USP11: variants seen among roughly 807,000 people sequenced by gnomAD.
USP11 encodes ubiquitin carboxyl-terminal hydrolase 11.
In USP11, 5 loss-of-function variants were observed where a neutral mutation model predicts 72.8. That is an observed-to-expected ratio of 0.07 (90% confidence interval 0.04 to 0.14). The LOEUF (loss-of-function observed/expected upper bound fraction) is 0.14, where lower values mean the gene tolerates loss of function less well. Among genes scored for constraint, USP11 ranks in the 10% least tolerant of loss-of-function variants. The pLI is 1.00. For missense variants in USP11, 480 were observed against 794.7 expected, an observed-to-expected ratio of 0.60 and a Z score of 4.76; for synonymous variants, 368 against 326.5, an observed-to-expected ratio of 1.13 and a Z score of -1.37.
chrX:47,234,635 G>A (rs1378372891), intron 1 of USP11, among the ~76,000 whole-genome samples: 1 of 111,715 alleles, frequency 9.0e-6, no homozygotes, highest in Non-Finnish European at 1.9e-5. Context: ...TTGGTCAAAG[G>A]ATACAACATT....
At chrX:47,247,726 C>A (rs763858471) in intron 20 of USP11, 27 bp downstream of exon 20, 2 of 1,207,413 alleles carry the variant, frequency 1.7e-6, no homozygotes, top group Non-Finnish European at 2.2e-6. Flanking sequence ...ACCTCCTCCC[C>A]TTCTTCCTTT....
intron 1 of USP11, among the ~76,000 whole-genome samples, chrX:47,238,187 CTTTTTTTTTTT>C (rs756979418): frequency 2.4e-5 from 2 of 84,365 alleles, no homozygotes; most frequent in African/African-American, 4.4e-5. Flanking sequence ...ATATGCAGTT[CTTTTTTTTTTT>C]TTTTTTTTTG....
At position 47,243,359 on chromosome X, in the gene USP11, G is replaced by A. The variant is rs757771785; in HGVS notation, c.1584-37G>A. ...GGGCAGAGTCAGGGAGTCTCTGGGGGCCCTGATCAGGTGTGCCTGCTGTCC... is the reference window on the plus strand; with the variant it reads ...GGGCAGAGTCAGGGAGTCTCTGGGGACCCTGATCAGGTGTGCCTGCTGTCC... On this transcript the variant is annotated intron_variant, in intron 12 of 20. Transcript: ENST00000377107. The A allele has an allele frequency of 1.0e-5, 12 of 1,200,749 alleles. No individual in the cohort carries two copies. In the Admixed American group the frequency reaches 2.0e-4, roughly 20 times the overall value.
At chrX:47,240,015 C>T in intron 4 of USP11, 108 bp downstream of exon 4, 2 of 886,496 alleles carry the variant, frequency 2.3e-6, no homozygotes, top group Non-Finnish European at 3.3e-6. Context: ...AGGCACTGGT[C>T]AGACTTTGGA....
intron 1 of USP11, chrX:47,233,766 AGG>A: frequency 2.2e-5 from 1 of 46,171 alleles, no homozygotes; most frequent in Non-Finnish European, 8.4e-5. Context: ...ACGTGAGCTG[AGG>A]GGCGTGCTCT....
At chrX:47,240,164 G>C in intron 4 of USP11, 141 bp from the exon 5 acceptor site, 1 of 873,467 alleles carries the variant, frequency 1.1e-6, no homozygotes, top group Non-Finnish European at 1.6e-6. Context: ...CTGGAGTGTG[G>C]GCCAGTCATT....
In USP11 at chrX:47,241,264, C is replaced by G; in HGVS notation, c.847-13C>G. 8.4e-7 allele frequency: 1 copy of G among 1,194,643 alleles called. No individual in the cohort carries two copies. The highest frequency in any genetic ancestry group is 1.1e-6 in the Non-Finnish European group (1 of 887,074). On this transcript the variant is annotated splice_polypyrimidine_tract_variant and intron_variant, in intron 7 of 20. Transcript: ENST00000377107. ...CCCCTCTGCCTCATTCACCTGGTCTCTGGCCTCTGCAGTGCCTCAGCAATG... is the reference window on the plus strand; with the variant it reads ...CCCCTCTGCCTCATTCACCTGGTCTGTGGCCTCTGCAGTGCCTCAGCAATG...
chrX:47,238,161 A>C (rs2055383349), intron 1 of USP11, among the ~76,000 whole-genome samples: 1 of 110,428 alleles, frequency 9.1e-6, no homozygotes, highest in South Asian at 3.8e-4. Flanking sequence ...AAATTAAAAA[A>C]TGATGAACAA....
In USP11 at chrX:47,242,467, A is replaced by G; in HGVS notation, c.1433A>G (p.Lys478Arg). The change falls in exon 11 of 21, where the codon AAG becomes AGG. Residue 478 changes from lysine to arginine, a missense_variant. Physicochemically the swap from Lys to Arg is conservative, Grantham distance 26. This residue lies in a region of USP11 where 314 missense variants were observed against 556.0 expected (regional missense o/e 0.56). Coordinates refer to ENST00000377107, the MANE Select transcript of USP11 (RefSeq NM_001371072.1). ...CGGCTCGTGGTCCCCAAGAAAGGCA[A>G]GATCTCGGATCTATGTGTGGCTCTG... is the stretch of plus-strand genomic sequence containing the variant. Reference protein sequence around the residue: ...QHRLVVPKKGKISDLCVALSK... With the variant: ...QHRLVVPKKGRISDLCVALSK... The G allele has an allele frequency of 8.3e-7, 1 of 1,212,107 alleles. No individual in the cohort carries two copies. The highest frequency in any genetic ancestry group is 1.1e-6 in the Non-Finnish European group (1 of 895,579).
rs984035834 is a variant in USP11 at position 47,233,084 on chromosome X, CTGTGGCGGCGGCAGCGGCGGT to C, written c.42_62del (p.Val15_Val21del). The C allele has an allele frequency of 5.8e-6, 7 of 1,202,020 alleles. No individual in the cohort carries two copies. In the South Asian group the frequency reaches 7.1e-5, roughly 12 times the overall value. On this transcript the variant is annotated inframe_deletion, in exon 1 of 21. Transcript: ENST00000377107. ...GCAAATCCAGCTGCTGCTGCGGCGG[CTGTGGCGGCGGCAGCGGCGGT>C]GACTGAGGATAGAGAGCCACAGCAC... is the stretch of plus-strand genomic sequence containing the variant.
Position 47,248,161 on chromosome X carries a change from C to T in USP11, c.*231C>T, listed in dbSNP as rs2055447242. On this transcript the variant is annotated 3_prime_UTR_variant, in exon 21 of 21. Transcript: ENST00000377107. ...CCTGTGTTTGCCCTTCCAGCAGTGA[C>T]CCTCCCTTCTAGTCTTTATTTATGG... The T allele has an allele frequency of 9.3e-6, 4 of 431,712 alleles. No individual in the cohort carries two copies. Among genetic ancestry groups the T allele is most frequent in the South Asian group, 4.1e-5 (1 of 24,538 alleles). The allele number at this position is 431,712 out of a possible 1,213,427, so 35.6% of individuals were successfully genotyped here.
At position 47,233,187 on chromosome X, in the gene USP11, G is replaced by T. The variant is rs2055353485; in HGVS notation, c.144G>T (p.Gly48=). The T allele has an allele frequency of 4.2e-6, 5 of 1,182,825 alleles. No individual in the cohort carries two copies. Among genetic ancestry groups the T allele is most frequent in the Non-Finnish European group, 5.7e-6 (5 of 879,605 alleles). ...GCCAGATAGAAAACGGCGAGAGTGG[G>T]CGAGAACGTCCACTGCGGGCCGGCG... is the stretch of plus-strand genomic sequence containing the variant. ...QWRQIENGES[G]RERPLRAGES... The change falls in exon 1 of 21, where the codon GGG becomes GGT. Residue 48 remains glycine (G), a synonymous_variant. Transcript: ENST00000377107.
rs2055448296 is a variant in USP11 at position 47,248,270 on chromosome X, T to C, written c.*340T>C. On this transcript the variant is annotated 3_prime_UTR_variant, in exon 21 of 21. Coordinates refer to ENST00000377107, the MANE Select transcript of USP11 (RefSeq NM_001371072.1). The stretch of plus-strand genomic sequence containing the variant: ...CCTGAACACAGAGTGTATTTTCTTA[T>C]TGAGGCCCTGTACCTTCTGCTGTGT... The C allele has an allele frequency of 8.7e-6, 2 of 230,223 alleles. No homozygotes were observed. Among genetic ancestry groups the C allele is most frequent in the East Asian group, 1.1e-4 (1 of 9,380 alleles). The allele number at this position is 230,223 out of a possible 1,213,427, so 19.0% of individuals were successfully genotyped here. A position where few individuals can be genotyped will look rare whatever the true frequency, so the allele number is the denominator to read the frequency against.
At chrX:47,244,951 C>A in intron 15 of USP11, 27 bp downstream of exon 15, 4 of 1,210,830 alleles carry the variant, frequency 3.3e-6, no homozygotes, top group Non-Finnish European at 4.5e-6. Context: ...TCAGCGAGGG[C>A]TGGGGAGGCT....
chrX:47,242,935 A>G (rs2055411086), intron 12 of USP11, among the ~76,000 whole-genome samples: 1 of 111,467 alleles, frequency 9.0e-6, no homozygotes, highest in Non-Finnish European at 1.9e-5. Flanking sequence ...ACGCCACTGC[A>G]CTCCAGTCTG....
intron 2 of USP11, 55 bp downstream of exon 2, chrX:47,239,234 T>C: frequency 8.5e-7 from 1 of 1,176,479 alleles, no homozygotes; most frequent in Non-Finnish European, 1.1e-6. Context: ...GTCCCTTCCG[T>C]CCCTACAGAT....
At position 47,241,776 on chromosome X, in the gene USP11, G is replaced by A. The variant is rs2055404634; in HGVS notation, c.1179+77G>A. 2.8e-6 allele frequency: 3 copies of A among 1,066,004 alleles called. No individual in the cohort carries two copies. The Admixed American group carries it at 9.7e-5, about 35-fold the overall frequency. The allele number at this position is 1,066,004 out of a possible 1,213,427, so 87.9% of individuals were successfully genotyped here. On this transcript the variant is annotated intron_variant, in intron 9 of 20. Coordinates refer to ENST00000377107, the MANE Select transcript of USP11 (RefSeq NM_001371072.1). Reference sequence around the variant, plus strand: ...TCGGGGATTTTCTGGCCTCCCTGGGGTATCTAACACGCCACCATTTTCTGT... The same window carrying A: ...TCGGGGATTTTCTGGCCTCCCTGGGATATCTAACACGCCACCATTTTCTGT...
Position 47,247,054 on chromosome X carries a change from C to G in USP11, c.2271-18C>G. 4 of 1,186,406 alleles carry G rather than the reference C, an allele frequency of 3.4e-6. No homozygotes were observed. The highest frequency in any genetic ancestry group is 4.5e-6 in the Non-Finnish European group (4 of 886,434). On this transcript the variant is annotated intron_variant, in intron 17 of 20. Coordinates refer to ENST00000377107, the MANE Select transcript of USP11 (RefSeq NM_001371072.1). ...AAAAAAGAAAAAGTCCGTTTGCTGACTCGGGCTCTGTCTGTAGGTACTGCC... is the reference window on the plus strand; with the variant it reads ...AAAAAAGAAAAAGTCCGTTTGCTGAGTCGGGCTCTGTCTGTAGGTACTGCC...
intron 1 of USP11, 110 bp downstream of exon 1, chrX:47,233,329 G>A: frequency 1.9e-6 from 2 of 1,075,416 alleles, no homozygotes; most frequent in Non-Finnish European, 2.4e-6. Flanking sequence ...GGGTGCGGGG[G>A]CGGGGGAGTG....
Sources: allele counts gnomAD v4.1 joint callset (sites outside exome capture counted in the v4.1 genomes callset), GRCh38; gene constraint gnomAD v4.1.1; regional missense constraint gnomAD v4.1.1; transcripts MANE v1.5; gene names NCBI Gene and HGNC (gene_info 2026-07-23, HGNC 2026-07-21).